Variants in UVRAG observed in about 807,000 individuals in gnomAD.
The protein encoded by UVRAG is UV radiation resistance-associated gene protein.
UVRAG carries 19 observed loss-of-function variants against 78.0 expected under a neutral mutation model. The observed-to-expected ratio is 0.24, with a 90% confidence interval of 0.17 to 0.36. The LOEUF is 0.36. UVRAG is among the 10% of genes least tolerant of loss of function. The probability of loss-of-function intolerance (pLI) is 1.00; values close to 1 mark genes in which losing one functional copy is unlikely to be tolerated. For missense variants in UVRAG, 740 were observed against 853.8 expected (o/e 0.87, Z 1.66); for synonymous variants, 323 against 324.6 (o/e 1.00, Z 0.05).
intron 2 of UVRAG, among the ~76,000 whole-genome samples, chr11:75,855,827 G>A (rs1946276992): frequency 6.6e-6 from 1 of 152,178 alleles, no homozygotes. Context: ...AAGAAGAGAT[G>A]TGTGAAATTT....
chr11:75,827,794 T>G (rs1945548962), intron 1 of UVRAG, among the ~76,000 whole-genome samples: 1 of 152,232 alleles, frequency 6.6e-6, no homozygotes, highest in Admixed American at 6.5e-5. Context: ...AACTATTTCC[T>G]TCCTTAATTC....
At chr11:76,088,127 T>TA (rs1951624892) in intron 13 of UVRAG, among the ~76,000 whole-genome samples, 5 of 152,132 alleles carry the variant, frequency 3.3e-5, no homozygotes, top group Admixed American at 3.3e-4. Context: ...GTCTCAAACT[T>TA]ATGGGCTCAA....
chr11:76,051,591 T>A (rs990346745), intron 12 of UVRAG, among the ~76,000 whole-genome samples: 1 of 152,194 alleles, frequency 6.6e-6, no homozygotes, highest in Non-Finnish European at 1.5e-5. Context: ...ATTTTTAACC[T>A]TCTTACTAAA....
At chr11:75,948,856 C>T (rs765039799) in intron 6 of UVRAG, among the ~76,000 whole-genome samples, 3 of 151,998 alleles carry the variant, frequency 2.0e-5, no homozygotes, top group Admixed American at 1.3e-4. Flanking sequence ...TGCATTAGCA[C>T]GAATCTTTGA....
At chr11:76,045,291 A>T (rs1002132360) in intron 12 of UVRAG, among the ~76,000 whole-genome samples, 1 of 152,264 alleles carries the variant, frequency 6.6e-6, no homozygotes, top group Non-Finnish European at 1.5e-5. Flanking sequence ...GTACATCTCC[A>T]TATGAAATTT....
intron 1 of UVRAG, among the ~76,000 whole-genome samples, chr11:75,843,700 T>C (rs1945966477): frequency 6.6e-6 from 1 of 152,186 alleles, no homozygotes; most frequent in Non-Finnish European, 1.5e-5. Context: ...GGCTCATGCC[T>C]GTAATCCCAG....
chr11:75,970,278 T>C (rs768573110), intron 7 of UVRAG, among the ~76,000 whole-genome samples: 6 of 152,232 alleles, frequency 3.9e-5, no homozygotes, highest in Non-Finnish European at 8.8e-5. Context: ...AGTATTTATA[T>C]GGAAACGTAA....
At chr11:75,977,824 A>T (rs1371532089) in intron 7 of UVRAG, among the ~76,000 whole-genome samples, 10 of 151,792 alleles carry the variant, frequency 6.6e-5, no homozygotes, top group Admixed American at 6.6e-4. Context: ...ACTCCATCCT[A>T]TTTGCCAGTC....
intron 12 of UVRAG, among the ~76,000 whole-genome samples, chr11:76,060,905 C>T (rs1951074941): frequency 6.6e-6 from 1 of 152,258 alleles, no homozygotes; most frequent in Non-Finnish European, 1.5e-5. Flanking sequence ...TCCCCTGCTC[C>T]ATGGCGCCCA....
chr11:75,920,925 A>G (rs1016648660), intron 6 of UVRAG, among the ~76,000 whole-genome samples: 2 of 152,208 alleles, frequency 1.3e-5, no homozygotes, highest in African/African-American at 2.4e-5. Flanking sequence ...TGGTGAGGCT[A>G]TATCATATTT....
rs187652855 is a variant in UVRAG, at chr11:75,954,059, G to A, written c.594-7385G>A. ...AGTCCTTCACCTCTTTATCCCCAGGGGAATCAGGATGTCCCATGTTATTTT... is the reference window on the plus strand; with the variant it reads ...AGTCCTTCACCTCTTTATCCCCAGGAGAATCAGGATGTCCCATGTTATTTT... On this transcript the variant is annotated intron_variant, in intron 6 of 14. Coordinates refer to ENST00000356136, the MANE Select transcript of UVRAG (RefSeq NM_003369.4). 2.0e-5 allele frequency among the ~76,000 whole-genome samples: 3 copies of A among 152,184 alleles called. No homozygotes were observed. The East Asian group carries it at 5.8e-4, about 29-fold the overall frequency.
At chr11:75,926,564 A>G (rs1186244131) in intron 6 of UVRAG, among the ~76,000 whole-genome samples, 1 of 152,194 alleles carries the variant, frequency 6.6e-6, no homozygotes, top group Non-Finnish European at 1.5e-5. Flanking sequence ...ACTCAGCAGC[A>G]TTAAAAAAGG....
chr11:76,088,727 T>C (rs1342513406), intron 13 of UVRAG, among the ~76,000 whole-genome samples: 1 of 152,122 alleles, frequency 6.6e-6, no homozygotes. Flanking sequence ...TGTGGTAAAC[T>C]CCCACTCATT....
chr11:75,817,909 A>T (rs1025580248), intron 1 of UVRAG, among the ~76,000 whole-genome samples: 4 of 151,782 alleles, frequency 2.6e-5, no homozygotes, highest in African/African-American at 9.7e-5. Context: ...AAAAAAAAAA[A>T]AAAAGCCAGA....
rs1345292658 is a variant in UVRAG at position 75,960,581 on chromosome 11, A to G, written c.594-863A>G. Reference sequence around the variant, plus strand: ...CAGGAGTTTGAGACCAGTCTGGGCAACATGGTGAAACCTCGTCTCTGCAAA... The same window carrying G: ...CAGGAGTTTGAGACCAGTCTGGGCAGCATGGTGAAACCTCGTCTCTGCAAA... On this transcript the variant is annotated intron_variant, in intron 6 of 14. Coordinates refer to ENST00000356136, the MANE Select transcript of UVRAG (RefSeq NM_003369.4). Among the ~76,000 whole-genome samples, 5 of 152,178 alleles carry G rather than the reference A, an allele frequency of 3.3e-5. 1 individual carries two copies. In the East Asian group the frequency reaches 9.6e-4, roughly 29 times the overall value.
At chr11:75,841,378 A>T (rs1402362161) in intron 1 of UVRAG, among the ~76,000 whole-genome samples, 1 of 152,250 alleles carries the variant, frequency 6.6e-6, no homozygotes, top group Non-Finnish European at 1.5e-5. Context: ...TAACTAAAAA[A>T]GAAGAGTATG....
chr11:75,921,051 A>G (rs1947970067), intron 6 of UVRAG, among the ~76,000 whole-genome samples: 1 of 152,212 alleles, frequency 6.6e-6, no homozygotes, highest in South Asian at 2.1e-4. Context: ...TTATACACAT[A>G]TATAACCTTG....
chr11:76,007,138 A>T (rs1949959571), intron 9 of UVRAG, among the ~76,000 whole-genome samples: 1 of 148,544 alleles, frequency 6.7e-6, no homozygotes, highest in African/African-American at 2.6e-5. Flanking sequence ...TCAGCCTCCC[A>T]AGTAGCTGGG....
chr11:76,035,858 C>T (rs1016030515), intron 12 of UVRAG, among the ~76,000 whole-genome samples: 2 of 152,096 alleles, frequency 1.3e-5, no homozygotes, highest in African/African-American at 4.8e-5. Context: ...CAAAAATCGC[C>T]TTGTTTCATG....
Sources: allele counts gnomAD v4.1 joint callset (sites outside exome capture counted in the v4.1 genomes callset), GRCh38; gene constraint gnomAD v4.1.1; transcripts MANE v1.5; gene names NCBI Gene and HGNC (gene_info 2026-07-23, HGNC 2026-07-21).